The following AGAP1 variants were observed in gnomAD, a reference collection of about 807,000 sequenced individuals.
AGAP1 encodes the protein ArfGAP with GTPase domain, ankyrin repeat and PH domain 1.
In AGAP1, 29 loss-of-function variants were observed where a neutral mutation model predicts 105.3. The ratio of observed to expected loss-of-function variants is 0.28; its 90% CI spans 0.21 to 0.38. The LOEUF is 0.38. Ranked by LOEUF, AGAP1 falls within the 10% of genes least tolerant of loss-of-function variation. AGAP1 has a pLI of 1.00. For synonymous variants in AGAP1, 509 were observed against 485.9 expected, an observed-to-expected ratio of 1.05 and a Z score of -0.63; for missense variants, 998 against 1,165.1, an observed-to-expected ratio of 0.86 and a Z score of 2.09.
At chr2:236,030,294 C>T (rs972498874) in intron 13 of AGAP1, among the ~76,000 whole-genome samples, 2 of 152,082 alleles carry the variant, frequency 1.3e-5, no homozygotes, top group African/African-American at 4.8e-5. Flanking sequence ...GGATTACAGG[C>T]GTGAGCCACC....
intron 1 of AGAP1, among the ~76,000 whole-genome samples, chr2:235,548,014 A>G (rs1943683471): frequency 6.6e-6 from 1 of 152,242 alleles, no homozygotes; most frequent in South Asian, 2.1e-4. Context: ...TGACAGCTAC[A>G]ATATTTGTTA....
At chr2:235,805,889 G>A (rs940169958) in intron 8 of AGAP1, among the ~76,000 whole-genome samples, 1 of 152,214 alleles carries the variant, frequency 6.6e-6, no homozygotes, top group Non-Finnish European at 1.5e-5. Context: ...TTGGCACGTA[G>A]TAGGTGTTCA....
intron 1 of AGAP1, among the ~76,000 whole-genome samples, chr2:235,678,717 C>T (rs928526971): frequency 6.6e-5 from 10 of 152,092 alleles, no homozygotes; most frequent in Non-Finnish European, 1.5e-4. Flanking sequence ...TTGGACTGTC[C>T]TCCTGCCTGC....
At chr2:235,854,507 C>CG (rs1442741838) in intron 9 of AGAP1, among the ~76,000 whole-genome samples, 9 of 152,350 alleles carry the variant, frequency 5.9e-5, no homozygotes, top group Non-Finnish European at 1.3e-4. Flanking sequence ...ATGGCTGCCT[C>CG]ATTCCAGCCT....
At chr2:235,498,504 A>G (rs1292825432) in intron 1 of AGAP1, among the ~76,000 whole-genome samples, 2 of 152,208 alleles carry the variant, frequency 1.3e-5, no homozygotes, top group East Asian at 3.9e-4. Context: ...TCCAGTCTGA[A>G]CAGCGTGTGT....
intron 9 of AGAP1, among the ~76,000 whole-genome samples, chr2:235,836,508 C>G (rs1261422768): frequency 1.3e-5 from 2 of 152,198 alleles, no homozygotes; most frequent in Non-Finnish European, 2.9e-5. Context: ...CACTTAAGTA[C>G]AGGTTCACAC....
intron 16 of AGAP1, among the ~76,000 whole-genome samples, chr2:236,063,270 A>G (rs945503341): frequency 6.6e-6 from 1 of 152,002 alleles, no homozygotes; most frequent in Admixed American, 6.6e-5. Flanking sequence ...TTGTATATTT[A>G]GTAGAGACGG....
rs1191754415 is a variant in AGAP1, at chr2:236,036,208, T to C, written c.1646-353T>C. Among the ~76,000 whole-genome samples the C allele has an allele frequency of 2.0e-5, 3 of 152,158 alleles. No homozygotes were observed. The highest frequency in any genetic ancestry group is 2.9e-5 in the Non-Finnish European group (2 of 68,040). On this transcript the variant is annotated intron_variant, in intron 13 of 17. Transcript: ENST00000304032. This position sits in a 1 kb window ranked among gnomAD's most constrained non-coding sequence, Gnocchi z 5.7. ...CAGCCGGAGATTAGCGGCCCTAACT[T>C]AATTTTCGTCCCACAGATAAGGATG...
rs1961041124 is a variant in AGAP1 at position 235,843,014 on chromosome 2, G to A, written c.1050+35683G>A. 6.6e-6 allele frequency among the ~76,000 whole-genome samples: 1 copy of A among 152,158 alleles called. No homozygotes were observed. Among genetic ancestry groups the A allele is most frequent in the African/African-American group, 2.4e-5 (1 of 41,428 alleles). On this transcript the variant is annotated intron_variant, in intron 9 of 17. Coordinates refer to ENST00000304032, the MANE Select transcript of AGAP1 (RefSeq NM_001037131.3). The surrounding 1 kb of genome is among the most constrained non-coding windows in gnomAD (Gnocchi z 5.9). ...AGTGCTGGAGTTACAGGCGTTAGCT[G>A]CCGTGCCCGGCCCGTGTGAGATTTG...
chr2:235,863,459 A>G (rs573777375), intron 9 of AGAP1, among the ~76,000 whole-genome samples: 7 of 152,338 alleles, frequency 4.6e-5, no homozygotes, highest in African/African-American at 7.2e-5. Context: ...GTTCACCTAT[A>G]TAGCACCTCT....
rs1419120867 is a variant in AGAP1, at chr2:236,096,729, C to T, written c.2115-23463C>T. 6.6e-6 allele frequency among the ~76,000 whole-genome samples: 1 copy of T among 151,702 alleles called. No individual in the cohort carries two copies. The highest frequency in any genetic ancestry group is 1.5e-5 in the Non-Finnish European group (1 of 67,950). Reference sequence around the variant, plus strand: ...GAGTAGCTGGGATTACAGGTGCCCACCACCACACCCAGCTAATTTTTTGTA... The same window carrying T: ...GAGTAGCTGGGATTACAGGTGCCCATCACCACACCCAGCTAATTTTTTGTA... On this transcript the variant is annotated intron_variant, in intron 16 of 17. Transcript: ENST00000304032. The surrounding 1 kb of genome is among the most constrained non-coding windows in gnomAD (Gnocchi z 4.4).
intron 15 of AGAP1, among the ~76,000 whole-genome samples, chr2:236,043,827 G>A (rs908234447): frequency 5.9e-5 from 9 of 152,132 alleles, no homozygotes; most frequent in East Asian, 1.9e-4. Context: ...TGAACCTAAC[G>A]AGTATTTACA....
chr2:235,908,960 C>G lies in AGAP1; in HGVS notation c.1324+54C>G. 1.9e-6 allele frequency: 3 copies of G among 1,552,218 alleles called. No individual in the cohort carries two copies. The South Asian group carries it at 3.5e-5, about 18-fold the overall frequency. On this transcript the variant is annotated intron_variant, in intron 11 of 17. Coordinates refer to ENST00000304032, the MANE Select transcript of AGAP1 (RefSeq NM_001037131.3). The surrounding 1 kb of genome is among the most constrained non-coding windows in gnomAD (Gnocchi z 4.4). ...TCAAGTTCAACAGCAACAGGTGGTC[C>G]AGGCTCGAGGATAATGTTGGACTCC... is the stretch of plus-strand genomic sequence containing the variant.
chr2:235,500,866 G>A (rs1941532145), intron 1 of AGAP1, among the ~76,000 whole-genome samples: 1 of 152,170 alleles, frequency 6.6e-6, no homozygotes, highest in African/African-American at 2.4e-5. Flanking sequence ...TATTTACAGA[G>A]TGGTCCCATG....
intron 14 of AGAP1, among the ~76,000 whole-genome samples, chr2:236,039,231 G>A (rs576428921): frequency 6.6e-6 from 1 of 152,290 alleles, no homozygotes; most frequent in South Asian, 2.1e-4. Flanking sequence ...GATCACTTGA[G>A]GCAAGGAGTT....
chr2:235,629,780 C>A (rs1946764766), intron 1 of AGAP1, among the ~76,000 whole-genome samples: 1 of 149,488 alleles, frequency 6.7e-6, no homozygotes, highest in African/African-American at 2.5e-5. Context: ...CTGGAGGATC[C>A]CTTGAGCCAG....
intron 1 of AGAP1, among the ~76,000 whole-genome samples, chr2:235,630,490 C>T (rs909006876): frequency 7.9e-5 from 12 of 152,280 alleles, no homozygotes; most frequent in East Asian, 1.9e-4. Context: ...GGATTACAGG[C>T]GTGAGCCACC....
At chr2:235,516,802 GT>G (rs1336365298) in intron 1 of AGAP1, among the ~76,000 whole-genome samples, 1 of 152,222 alleles carries the variant, frequency 6.6e-6, no homozygotes, top group East Asian at 1.9e-4. Context: ...TCGCTGCCCA[GT>G]TTAGGAGAGT....
intron 12 of AGAP1, among the ~76,000 whole-genome samples, chr2:235,941,425 A>G (rs1008088807): frequency 2.6e-5 from 4 of 152,204 alleles, no homozygotes; most frequent in Non-Finnish European, 2.9e-5. Flanking sequence ...CAGGAATCCA[A>G]ACGGAGTTCC....
Sources: gnomAD v4.1 joint callset for allele counts (sites outside exome capture counted in the v4.1 genomes callset) on GRCh38, gnomAD v4.1.1 for gene constraint, Gnocchi (gnomAD v3.1) non-coding constraint, MANE v1.5 for transcripts, NCBI Gene and HGNC (gene_info 2026-07-23, HGNC 2026-07-21) for gene names.